STPG4: variants seen among roughly 807,000 people sequenced by gnomAD.
The protein encoded by STPG4 is sperm-tail PG-rich repeat containing 4.
A neutral mutation model predicts 31.5 loss-of-function variants in STPG4; 41 were observed. The ratio of observed to expected loss-of-function variants is 1.30; its 90% CI spans 1.01 to 1.69. The LOEUF (loss-of-function observed/expected upper bound fraction) is 1.69, where lower values mean the gene tolerates loss of function less well. STPG4 is among the 40% of genes most tolerant of loss of function. The pLI is 0.00. For missense variants in STPG4, 375 were observed against 293.4 expected (o/e 1.28, Z -2.03); for synonymous variants, 141 against 103.0 (o/e 1.37, Z -2.24).
chr2:47,134,001 C>T (rs562711794), intron 3 of STPG4, among the ~76,000 whole-genome samples: 1 of 144,236 alleles, frequency 6.9e-6, no homozygotes, highest in African/African-American at 2.5e-5. Flanking sequence ...AAAAGCCAAC[C>T]CTACTTACTA....
At position 47,134,037 on chromosome 2, in the gene STPG4, C is replaced by CATACATATACATATACAT. The variant is rs144008683; in HGVS notation, c.400-3795_400-3778dup. 4.3e-3 allele frequency among the ~76,000 whole-genome samples: 650 copies of CATACATATACATATACAT among 151,650 alleles called. 7 individuals are homozygous for CATACATATACATATACAT. Among genetic ancestry groups the CATACATATACATATACAT allele is most frequent in the Admixed American group, 0.021 (312 of 15,200 alleles). On this transcript the variant is annotated intron_variant, in intron 3 of 6. Coordinates refer to ENST00000445927, the MANE Select transcript of STPG4 (RefSeq NM_001163561.2). ...AGCTCTTGGTGTGACTACATATACA[C>CATACATATACATATACAT]ATACATATACATATACATATACATA... is the stretch of plus-strand genomic sequence containing the variant.
intron 3 of STPG4, among the ~76,000 whole-genome samples, chr2:47,140,777 T>C (rs1558686716): frequency 6.6e-6 from 1 of 152,126 alleles, no homozygotes; most frequent in Non-Finnish European, 1.5e-5. Flanking sequence ...GACCCATAAA[T>C]AGGTGGGTCA....
chr2:47,113,661 G>T (rs1298279868), intron 5 of STPG4, among the ~76,000 whole-genome samples: 1 of 152,210 alleles, frequency 6.6e-6, no homozygotes, highest in African/African-American at 2.4e-5. Flanking sequence ...GCTCTTGATT[G>T]CTGAAGTTCT....
chr2:47,131,275 C>T (rs1573184614), intron 3 of STPG4, among the ~76,000 whole-genome samples: 2 of 152,094 alleles, frequency 1.3e-5, no homozygotes, highest in African/African-American at 2.4e-5. Flanking sequence ...CACAGATGCG[C>T]ACCACCATAC....
intron 5 of STPG4, among the ~76,000 whole-genome samples, chr2:47,094,831 C>A (rs1685638338): frequency 6.6e-6 from 1 of 152,198 alleles, no homozygotes; most frequent in Non-Finnish European, 1.5e-5. Context: ...GCGAAGAAGC[C>A]TGGCTTATTG....
chr2:47,126,560 C>G (rs779832050), intron 5 of STPG4, among the ~76,000 whole-genome samples: 5 of 152,132 alleles, frequency 3.3e-5, no homozygotes, highest in Non-Finnish European at 5.9e-5. Flanking sequence ...CTGCTGGACT[C>G]AAGCAATCCT....
intron 5 of STPG4, among the ~76,000 whole-genome samples, chr2:47,123,723 G>A (rs6750222): frequency 0.045 from 6,775 of 152,148 alleles, 285 homozygotes; most frequent in African/African-American, 0.11. Context: ...AATTGCATTA[G>A]TCATTCAGAG....
intron 5 of STPG4, among the ~76,000 whole-genome samples, chr2:47,106,089 G>A (rs1308898581): frequency 6.6e-6 from 1 of 151,830 alleles, no homozygotes; most frequent in Non-Finnish European, 1.5e-5. Flanking sequence ...GAACCAAAGA[G>A]GGAGTCAGAG....
intron 5 of STPG4, among the ~76,000 whole-genome samples, chr2:47,097,384 G>C (rs1386759698): frequency 6.6e-6 from 1 of 152,086 alleles, no homozygotes; most frequent in Non-Finnish European, 1.5e-5. Context: ...GGATGCTGAT[G>C]TCCCCCCAAA....
At chr2:47,121,736 T>C (rs1369483582) in intron 5 of STPG4, among the ~76,000 whole-genome samples, 2 of 152,198 alleles carry the variant, frequency 1.3e-5, no homozygotes, top group African/African-American at 4.8e-5. Context: ...CCAGAGGATC[T>C]AAGGGAGAAG....
chr2:47,150,785 A>G (rs371233655), intron 3 of STPG4, among the ~76,000 whole-genome samples: 17 of 151,886 alleles, frequency 1.1e-4, no homozygotes, highest in East Asian at 3.9e-4. Flanking sequence ...ACACCCGGCT[A>G]TTTTTCTTTA....
At chr2:47,137,455 T>C (rs1686618756) in intron 3 of STPG4, among the ~76,000 whole-genome samples, 1 of 152,192 alleles carries the variant, frequency 6.6e-6, no homozygotes, top group African/African-American at 2.4e-5. Context: ...TTGTAATGTC[T>C]TTGTCTGGTT....
chr2:47,113,464 T>G (rs1686081254), intron 5 of STPG4, among the ~76,000 whole-genome samples: 1 of 152,222 alleles, frequency 6.6e-6, no homozygotes, highest in South Asian at 2.1e-4. Flanking sequence ...TAATAAACAC[T>G]AATTAGAATG....
At chr2:47,092,491 G>A (rs773984558) in intron 5 of STPG4, among the ~76,000 whole-genome samples, 36 of 148,324 alleles carry the variant, frequency 2.4e-4, no homozygotes, top group African/African-American at 3.7e-4. Context: ...TCATGTCACC[G>A]CACTCCAGCC....
chr2:47,099,372 T>C (rs1338739868), intron 5 of STPG4, among the ~76,000 whole-genome samples: 3 of 152,234 alleles, frequency 2.0e-5, no homozygotes, highest in African/African-American at 7.2e-5. Context: ...GTGTGAGAGC[T>C]GCCCTGACAA....
rs765266725 is a variant in STPG4, at chr2:47,130,011, AAAAAG to A, written c.465-21_465-17del. The A allele has an allele frequency of 4.6e-6, 7 of 1,527,290 alleles. No individual in the cohort carries two copies. In the African/African-American group the frequency reaches 6.9e-5, roughly 15 times the overall value. 94.6% of individuals were successfully genotyped at this position (1,527,290 alleles called of 1,614,324 possible). A position where few individuals can be genotyped will look rare whatever the true frequency, so the allele number is the denominator to read the frequency against. On this transcript the variant is annotated splice_polypyrimidine_tract_variant and intron_variant, in intron 4 of 6. Coordinates refer to ENST00000445927, the MANE Select transcript of STPG4 (RefSeq NM_001163561.2). ...TACACAGCTCCTATATTTCAAAATA[AAAAAG>A]AAAAGTGATTTTCTAAATCTATTTT...
chr2:47,150,490 C>T (rs1686912744), intron 3 of STPG4, among the ~76,000 whole-genome samples: 1 of 151,700 alleles, frequency 6.6e-6, no homozygotes, highest in South Asian at 2.1e-4. Context: ...GGACCACATG[C>T]TCACTTCTTT....
At chr2:47,126,381 A>C (rs1455823038) in intron 5 of STPG4, among the ~76,000 whole-genome samples, 1 of 151,710 alleles carries the variant, frequency 6.6e-6, no homozygotes, top group African/African-American at 2.4e-5. Flanking sequence ...GCTGGACTGC[A>C]GTGGCACACA....
intron 5 of STPG4, among the ~76,000 whole-genome samples, chr2:47,095,131 G>C (rs1320822865): frequency 2.0e-5 from 3 of 152,150 alleles, no homozygotes; most frequent in East Asian, 1.9e-4. Flanking sequence ...CCATTGTGTT[G>C]ACATGGCTTC....
Sources: gnomAD v4.1 joint callset for allele counts (sites outside exome capture counted in the v4.1 genomes callset) on GRCh38, gnomAD v4.1.1 for gene constraint, MANE v1.5 for transcripts, NCBI Gene and HGNC (gene_info 2026-07-23, HGNC 2026-07-21) for gene names.